METTL24: variants seen among roughly 807,000 people sequenced by gnomAD.
METTL24 encodes probable methyltransferase-like protein 24.
METTL24 carries 29 observed loss-of-function variants against 32.7 expected under a neutral mutation model. The ratio of observed to expected loss-of-function variants is 0.89; its 90% CI spans 0.66 to 1.21. The LOEUF is 1.21. Ranked by LOEUF, METTL24 falls within the 50% of genes most tolerant of loss-of-function variation. The pLI is 0.00. For synonymous variants in METTL24, 163 were observed against 179.5 expected (o/e 0.91, Z 0.73); for missense variants, 439 against 468.1 (o/e 0.94, Z 0.57).
At chr6:110,250,066 C>A (rs937633022) in intron 4 of METTL24, among the ~76,000 whole-genome samples, 1 of 152,004 alleles carries the variant, frequency 6.6e-6, no homozygotes, top group African/African-American at 2.4e-5. Context: ...TCCCTGTGAT[C>A]ATCCACCCAG....
intron 2 of METTL24, among the ~76,000 whole-genome samples, chr6:110,316,716 C>A (rs971187425): frequency 6.6e-6 from 1 of 152,070 alleles, no homozygotes; most frequent in South Asian, 2.1e-4. Flanking sequence ...GGCAACATGG[C>A]AAAACTTCAT....
At chr6:110,267,937 A>G (rs2114706305) in intron 4 of METTL24, among the ~76,000 whole-genome samples, 1 of 152,218 alleles carries the variant, frequency 6.6e-6, no homozygotes. Context: ...GTAAGAACTC[A>G]CTCACTATTT....
chr6:110,332,237 T>C (rs1772122218), intron 1 of METTL24, among the ~76,000 whole-genome samples: 1 of 152,220 alleles, frequency 6.6e-6, no homozygotes, highest in East Asian at 1.9e-4. Flanking sequence ...CTAAGTTATT[T>C]TGATAAGTTG....
chr6:110,324,948 T>G (rs1027227435), intron 1 of METTL24, among the ~76,000 whole-genome samples: 1 of 152,190 alleles, frequency 6.6e-6, no homozygotes, highest in East Asian at 1.9e-4. Context: ...ATAACTTCGA[T>G]AGTAAAATGC....
chr6:110,300,235 T>C (rs1771495275), intron 3 of METTL24, among the ~76,000 whole-genome samples: 2 of 152,094 alleles, frequency 1.3e-5, no homozygotes, highest in African/African-American at 2.4e-5. Flanking sequence ...CCAGACTTGA[T>C]AGTTCGTGGA....
intron 1 of METTL24, among the ~76,000 whole-genome samples, chr6:110,338,652 C>A (rs1772287932): frequency 6.6e-6 from 1 of 152,162 alleles, no homozygotes; most frequent in Non-Finnish European, 1.5e-5. Flanking sequence ...ATTTAAAACA[C>A]TTCATTAAAA....
At chr6:110,333,985 AG>A in intron 1 of METTL24, among the ~76,000 whole-genome samples, 1 of 152,118 alleles carries the variant, frequency 6.6e-6, no homozygotes, top group African/African-American at 2.4e-5. Flanking sequence ...GTAACTTAGA[AG>A]TTATATATTC....
In METTL24 at chr6:110,245,860, G is replaced by A. The variant is rs963870662; in HGVS notation, c.*86C>T. ...TCAAGCAGGGCACAGGCTAGCAGGA[G>A]ACTGGATGAGTAAACTCATGATTAG... On this transcript the variant is annotated 3_prime_UTR_variant, in exon 5 of 5. Coordinates refer to ENST00000338882, the MANE Select transcript of METTL24 (RefSeq NM_001123364.3). 9.7e-6 allele frequency: 13 copies of A among 1,339,676 alleles called. No individual in the cohort carries two copies. Among genetic ancestry groups the A allele is most frequent in the Non-Finnish European group, 1.1e-5 (11 of 970,114 alleles). The allele number at this position is 1,339,676 out of a possible 1,614,324, so 83.0% of individuals were successfully genotyped here.
intron 1 of METTL24, among the ~76,000 whole-genome samples, chr6:110,334,252 A>G (rs1053521479): frequency 3.9e-5 from 6 of 152,184 alleles, no homozygotes; most frequent in African/African-American, 1.4e-4. Context: ...CAAACCAGGG[A>G]AAGTGTTTCC....
At chr6:110,355,652 C>T (rs1772685395) in intron 1 of METTL24, among the ~76,000 whole-genome samples, 1 of 152,216 alleles carries the variant, frequency 6.6e-6, no homozygotes, top group African/African-American at 2.4e-5. Flanking sequence ...TCTGGACTCA[C>T]ACGTCCGGTT....
chr6:110,295,651 T>A (rs1771399378), intron 4 of METTL24, among the ~76,000 whole-genome samples: 1 of 152,228 alleles, frequency 6.6e-6, no homozygotes, highest in Non-Finnish European at 1.5e-5. Context: ...CAAACAATAG[T>A]TCTCTACAAC....
chr6:110,262,523 G>A (rs1205322575), intron 4 of METTL24, among the ~76,000 whole-genome samples: 7 of 152,270 alleles, frequency 4.6e-5, no homozygotes, highest in Admixed American at 2.0e-4. Flanking sequence ...ATTCACAGCT[G>A]AATTCTACCA....
chr6:110,324,700 C>T (rs1771988745), intron 1 of METTL24, among the ~76,000 whole-genome samples: 1 of 152,236 alleles, frequency 6.6e-6, no homozygotes, highest in African/African-American at 2.4e-5. Context: ...GCTGAGCAGG[C>T]AGAGACTCTA....
Position 110,303,893 on chromosome 6 carries a change from G to A in METTL24, c.558-4743C>T, listed in dbSNP as rs569413958. ...GGGGAGACACCTCCCAGCAGGGGTC[G>A]ACAGACACCTCATACAGGAGAGCTC... On this transcript the variant is annotated intron_variant, in intron 3 of 4. Coordinates refer to ENST00000338882, the MANE Select transcript of METTL24 (RefSeq NM_001123364.3). Among the ~76,000 whole-genome samples the A allele has an allele frequency of 7.9e-5, 12 of 152,290 alleles. No homozygotes were observed. The South Asian group carries it at 1.7e-3, about 21-fold the overall frequency.
intron 4 of METTL24, among the ~76,000 whole-genome samples, chr6:110,287,534 GAC>G (rs1771245750): frequency 1.3e-5 from 2 of 152,264 alleles, no homozygotes; most frequent in South Asian, 4.1e-4. Flanking sequence ...ATTGCCCTGG[GAC>G]CTGAAAGAAT....
At chr6:110,311,435 A>C (rs1388969702) in intron 3 of METTL24, among the ~76,000 whole-genome samples, 1 of 149,072 alleles carries the variant, frequency 6.7e-6, no homozygotes, top group African/African-American at 2.5e-5. Context: ...CTCTTTACAA[A>C]GTTGATTTTC....
At chr6:110,334,113 G>A (rs1772164094) in intron 1 of METTL24, among the ~76,000 whole-genome samples, 1 of 151,656 alleles carries the variant, frequency 6.6e-6, no homozygotes, top group African/African-American at 2.4e-5. Flanking sequence ...CAGAGGAAAG[G>A]GGGGTCTTCC....
At chr6:110,302,964 G>A (rs957333565) in intron 3 of METTL24, among the ~76,000 whole-genome samples, 15 of 152,018 alleles carry the variant, frequency 9.9e-5, no homozygotes, top group East Asian at 1.9e-4. Flanking sequence ...TGAGGTACCC[G>A]GCTCATCTCA....
intron 2 of METTL24, among the ~76,000 whole-genome samples, chr6:110,320,419 T>A (rs896601624): frequency 6.6e-6 from 1 of 152,076 alleles, no homozygotes; most frequent in African/African-American, 2.4e-5. Flanking sequence ...GGAGCATTGG[T>A]TAGTAAAAGA....
Sources: allele counts gnomAD v4.1 joint callset (sites outside exome capture counted in the v4.1 genomes callset), GRCh38; gene constraint gnomAD v4.1.1; transcripts MANE v1.5; gene names NCBI Gene and HGNC (gene_info 2026-07-23, HGNC 2026-07-21).